PTPRM: variants seen among roughly 807,000 people sequenced by gnomAD.
PTPRM encodes protein tyrosine phosphatase receptor type M.
A neutral mutation model predicts 186.7 loss-of-function variants in PTPRM; 47 were observed. The ratio of observed to expected loss-of-function variants is 0.25; its 90% confidence interval spans 0.20 to 0.32. The LOEUF (loss-of-function observed/expected upper bound fraction) is 0.32, where lower values mean the gene tolerates loss of function less well. Among genes scored for constraint, PTPRM ranks in the 10% least tolerant of loss-of-function variants. The probability of loss-of-function intolerance (pLI) is 1.00; values close to 1 mark genes in which losing one functional copy is unlikely to be tolerated. For synonymous variants in PTPRM, 668 were observed against 674.9 expected (o/e 0.99, Z 0.16); for missense variants, 1,494 against 1,865.0 (o/e 0.80, Z 3.66).
In PTPRM at chr18:8,289,575, T is replaced by TAC. The variant is rs1207172447; in HGVS notation, c.2755-6791_2755-6790dup. On this transcript the variant is annotated intron_variant, in intron 19 of 32. Transcript: ENST00000580170. The stretch of plus-strand genomic sequence containing the variant: ...ACATATATATACACATATATATATA[T>TAC]ACATATATATATACACATATATATA... 2.2e-4 allele frequency among the ~76,000 whole-genome samples: 24 copies of TAC among 109,212 alleles called. 1 individual carries two copies. The highest frequency in any genetic ancestry group is 8.3e-4 in the Admixed American group (9 of 10,786). The allele number at this position is 109,212 out of a possible 152,430, so 71.6% of individuals were successfully genotyped here. A position where few individuals can be genotyped will look rare whatever the true frequency, so the allele number is the denominator to read the frequency against.
intron 1 of PTPRM, among the ~76,000 whole-genome samples, chr18:7,658,759 A>G (rs551775165): frequency 6.6e-6 from 1 of 152,184 alleles, no homozygotes; most frequent in African/African-American, 2.4e-5. Flanking sequence ...TTCTCACATG[A>G]AGTTTTCCTA....
At chr18:8,051,405 C>A (rs2087488706) in intron 7 of PTPRM, among the ~76,000 whole-genome samples, 1 of 152,304 alleles carries the variant, frequency 6.6e-6, no homozygotes, top group Admixed American at 6.5e-5. Context: ...ACTTCTAGAA[C>A]CTTTTCCCCT....
chr18:8,219,542 A>G (rs1030481767), intron 14 of PTPRM, among the ~76,000 whole-genome samples: 3 of 152,320 alleles, frequency 2.0e-5, no homozygotes, highest in Admixed American at 6.5e-5. Context: ...AGATCCTGAC[A>G]AAGTCAAGAG....
At chr18:7,582,089 G>A (rs968074706) in intron 1 of PTPRM, among the ~76,000 whole-genome samples, 1 of 152,084 alleles carries the variant, frequency 6.6e-6, no homozygotes, top group African/African-American at 2.4e-5. Context: ...ATCCAAATTG[G>A]CAAACAAGGT....
rs145786455 is a variant in PTPRM at position 7,723,840 on chromosome 18, T to G, written c.74-50309T>G. Among the ~76,000 whole-genome samples the G allele has an allele frequency of 3.7e-3, 567 of 152,310 alleles. 6 individuals carry two copies. Among genetic ancestry groups the G allele is most frequent in the African/African-American group, 0.013 (553 of 41,576 alleles). Reference sequence around the variant, plus strand: ...TTTCCTCCTGTGTTACCTCCTCGCCTTCCTATACTCCCTGCATTTCCCTCA... The same window carrying G: ...TTTCCTCCTGTGTTACCTCCTCGCCGTCCTATACTCCCTGCATTTCCCTCA... On this transcript the variant is annotated intron_variant, in intron 1 of 32. Coordinates refer to ENST00000580170, the MANE Select transcript of PTPRM (RefSeq NM_001105244.2).
intron 3 of PTPRM, among the ~76,000 whole-genome samples, chr18:7,902,390 G>T (rs1302347904): frequency 1.1e-4 from 16 of 152,132 alleles, no homozygotes; most frequent in Non-Finnish European, 1.5e-5. Flanking sequence ...TTTGCCTCTA[G>T]TCCACAGGGA....
chr18:7,680,741 T>C (rs1233602081), intron 1 of PTPRM, among the ~76,000 whole-genome samples: 3 of 152,218 alleles, frequency 2.0e-5, no homozygotes, highest in Non-Finnish European at 2.9e-5. Context: ...GGTTTTCGGC[T>C]TCCTGGTGAA....
Position 7,838,357 on chromosome 18 carries a change from G to A in PTPRM, c.197-49749G>A, listed in dbSNP as rs140608029. 3.0e-3 allele frequency among the ~76,000 whole-genome samples: 458 copies of A among 152,296 alleles called. 1 individual carries two copies. Among genetic ancestry groups the A allele is most frequent in the African/African-American group, 0.01 (431 of 41,564 alleles). The stretch of plus-strand genomic sequence containing the variant: ...CCAGGACCCTCCCACGACATGTGGG[G>A]ATTATGGGAACTACGATTCAAGATG... On this transcript the variant is annotated intron_variant, in intron 2 of 32. Coordinates refer to ENST00000580170, the MANE Select transcript of PTPRM (RefSeq NM_001105244.2).
At chr18:8,268,302 T>G (rs1234809067) in intron 19 of PTPRM, among the ~76,000 whole-genome samples, 1 of 152,066 alleles carries the variant, frequency 6.6e-6, no homozygotes, top group South Asian at 2.1e-4. Context: ...CATCTTTTGG[T>G]TTGATAAGAT....
intron 7 of PTPRM, among the ~76,000 whole-genome samples, chr18:7,991,822 ATG>A (rs1359462983): frequency 1.3e-5 from 2 of 152,106 alleles, no homozygotes; most frequent in African/African-American, 4.8e-5. Context: ...AAGTTATGGG[ATG>A]TGAGTAGGAA....
chr18:8,312,828 C>T (rs945537885), intron 20 of PTPRM, among the ~76,000 whole-genome samples: 1 of 152,126 alleles, frequency 6.6e-6, no homozygotes, highest in African/African-American at 2.4e-5. Flanking sequence ...TCACCACATT[C>T]CAGATAAACT....
intron 1 of PTPRM, among the ~76,000 whole-genome samples, chr18:7,609,471 A>C (rs1028950593): frequency 1.3e-5 from 2 of 150,930 alleles, no homozygotes; most frequent in Non-Finnish European, 2.9e-5. Flanking sequence ...GTCCTCTTGC[A>C]TAGAATGAGA....
chr18:8,197,094 A>T (rs189472637), intron 14 of PTPRM, among the ~76,000 whole-genome samples: 1 of 152,350 alleles, frequency 6.6e-6, no homozygotes, highest in African/African-American at 2.4e-5. Context: ...AGAGTAGTTT[A>T]TGCCCATAAG....
At chr18:7,832,068 A>C (rs181654843) in intron 2 of PTPRM, among the ~76,000 whole-genome samples, 75 of 152,268 alleles carry the variant, frequency 4.9e-4, no homozygotes, top group Admixed American at 6.5e-4. Flanking sequence ...GGCTGTTGTC[A>C]GGAGTGCTGC....
intron 14 of PTPRM, among the ~76,000 whole-genome samples, chr18:8,223,052 C>T (rs1307989598): frequency 1.3e-5 from 2 of 152,020 alleles, no homozygotes; most frequent in Non-Finnish European, 2.9e-5. Flanking sequence ...TGCGAAACCC[C>T]GTCTCTACTA....
intron 18 of PTPRM, 71 bp downstream of exon 18, chr18:8,252,570 T>C: frequency 2.8e-6 from 4 of 1,432,292 alleles, no homozygotes; most frequent in Non-Finnish European, 3.9e-6. Context: ...TGGTAGATTC[T>C]GACAAAGCCA....
At chr18:8,383,302 A>C (rs1235776596) in intron 29 of PTPRM, among the ~76,000 whole-genome samples, 2 of 95,014 alleles carry the variant, frequency 2.1e-5, no homozygotes, top group Admixed American at 2.4e-4. Context: ...GCCTCAAAAA[A>C]AAAAAAAAAA....
chr18:7,676,022 C>G (rs928621524), intron 1 of PTPRM, among the ~76,000 whole-genome samples: 5 of 152,130 alleles, frequency 3.3e-5, no homozygotes, highest in Non-Finnish European at 5.9e-5. Context: ...CAGGTGTGAG[C>G]CACTGTGCCC....
At chr18:7,866,576 T>C (rs181741564) in intron 2 of PTPRM, among the ~76,000 whole-genome samples, 37 of 152,340 alleles carry the variant, frequency 2.4e-4, no homozygotes, top group African/African-American at 6.0e-4. Context: ...TTCCGTTCTT[T>C]TGCATATGCT....
Sources: gnomAD v4.1 joint callset for allele counts (sites outside exome capture counted in the v4.1 genomes callset) on GRCh38, gnomAD v4.1.1 for gene constraint, MANE v1.5 for transcripts, NCBI Gene and HGNC (gene_info 2026-07-23, HGNC 2026-07-21) for gene names.